IPO8: variants seen among roughly 807,000 people sequenced by gnomAD.
IPO8 encodes the protein importin-8.
A neutral mutation model predicts 141.2 loss-of-function variants in IPO8; 65 were observed. The ratio of observed to expected loss-of-function variants is 0.46; its 90% confidence interval spans 0.38 to 0.57. The LOEUF is 0.57. Ranked by LOEUF, IPO8 falls within the 20% of genes least tolerant of loss-of-function variation. IPO8 has a pLI of 0.00. For synonymous variants in IPO8, 411 were observed against 420.3 expected (o/e 0.98, Z 0.27); for missense variants, 980 against 1,246.8 (o/e 0.79, Z 3.22).
chr12:30,666,991 A>T (rs2052976235), intron 10 of IPO8, among the ~76,000 whole-genome samples: 1 of 152,332 alleles, frequency 6.6e-6, no homozygotes, highest in South Asian at 2.1e-4. Context: ...AATACCATGA[A>T]CATTTTCACA....
chr12:30,658,793 G>A (rs1372651614), intron 16 of IPO8, among the ~76,000 whole-genome samples: 3 of 151,396 alleles, frequency 2.0e-5, no homozygotes, highest in South Asian at 2.1e-4. Context: ...CAATACAGAA[G>A]GACACAAAAA....
intron 2 of IPO8, among the ~76,000 whole-genome samples, chr12:30,688,178 T>G (rs1055436181): frequency 6.6e-6 from 1 of 152,176 alleles, no homozygotes; most frequent in South Asian, 2.1e-4. Context: ...CTATCCTAAA[T>G]TTAAGATAGG....
intron 23 of IPO8, among the ~76,000 whole-genome samples, chr12:30,633,572 T>C (rs1352960665): frequency 2.0e-5 from 3 of 152,156 alleles, no homozygotes; most frequent in Non-Finnish European, 2.9e-5. Flanking sequence ...AAATATTTTC[T>C]CCCCCCGAAT....
chr12:30,645,313 C>A (rs1398128689), intron 20 of IPO8, among the ~76,000 whole-genome samples: 1 of 149,348 alleles, frequency 6.7e-6, no homozygotes, highest in East Asian at 2.0e-4. Context: ...GCGGAGGTTG[C>A]AGTAAGCCAA....
Position 30,661,172 on chromosome 12 carries a change from G to A in IPO8, c.1850C>T (p.Thr617Ile). The stretch of plus-strand genomic sequence containing the variant: ...ATGATCTTCTACAACTGTTAAGATA[G>A]TATCAATGGTATGTAAAATTCCCAT... ...MAMGILHTIDTILTVVEDHKE... is the reference protein window; with the variant it reads ...MAMGILHTIDIILTVVEDHKE... The change falls in exon 16 of 25, where the codon ACT becomes ATT. Residue 617 changes from threonine to isoleucine, a missense_variant. Thr to Ile is a moderately conservative substitution (Grantham distance 89, BLOSUM62 -1). Around this residue, in one of 3 missense-constraint regions of IPO8, gnomAD observed 924 missense variants for 1,153.9 expected, o/e 0.80. Transcript: ENST00000256079. 1 of 1,589,652 alleles carries A rather than the reference G, an allele frequency of 6.3e-7. No homozygotes were observed.
chr12:30,677,186 T>C (rs1402614790), intron 5 of IPO8: 1 of 801,474 alleles, frequency 1.2e-6, no homozygotes, highest in Non-Finnish European at 1.9e-6. Flanking sequence ...AAAATGTATA[T>C]AAAGTCATGC....
chr12:30,681,945 G>GTA (rs2053193529), intron 3 of IPO8, 128 bp from the exon 4 acceptor site: 1 of 683,382 alleles, frequency 1.5e-6, no homozygotes, highest in African/African-American at 1.9e-5. Flanking sequence ...CATATGTGGG[G>GTA]TAGGGGAAAA....
intron 1 of IPO8, among the ~76,000 whole-genome samples, chr12:30,691,455 C>G (rs896248218): frequency 2.0e-5 from 3 of 152,190 alleles, no homozygotes; most frequent in Non-Finnish European, 4.4e-5. Flanking sequence ...ATGATCTGCT[C>G]CTGAGTTTGG....
chr12:30,648,409 C>A (rs1270412231), intron 20 of IPO8, among the ~76,000 whole-genome samples: 1 of 152,114 alleles, frequency 6.6e-6, no homozygotes, highest in Non-Finnish European at 1.5e-5. Flanking sequence ...TTGCCCAGAG[C>A]TTGGGGCGAG....
At position 30,666,192 on chromosome 12, in the gene IPO8, C is replaced by T. The variant is rs2052962549; in HGVS notation, c.1204G>A (p.Ala402Thr). ...TGAAATACCTCTTTTCTTTTCTTTG[C>T]AGCAGTATATAAGAGAGTCTGGGCT... is the stretch of plus-strand genomic sequence containing the variant. ...TAAQTLLYTA[A>T]KKRKEVLPKM... is the part of the protein sequence containing the mutation. Residue 402 changes from alanine (A) to threonine (T), a missense_variant, in exon 11 of 25, where the codon GCA (alanine) becomes ACA (threonine). Ala to Thr is a moderately conservative substitution (Grantham distance 58). Around this residue, in one of 3 missense-constraint regions of IPO8, gnomAD observed 924 missense variants for 1,153.9 expected, o/e 0.80. Transcript: ENST00000256079. The T allele has an allele frequency of 3.2e-6, 5 of 1,576,180 alleles. No individual in the cohort carries two copies. Among genetic ancestry groups the T allele is most frequent in the East Asian group, 2.3e-5 (1 of 44,250 alleles).
chr12:30,672,312 T>C (rs952368129), intron 8 of IPO8, among the ~76,000 whole-genome samples: 7 of 152,162 alleles, frequency 4.6e-5, no homozygotes, highest in East Asian at 1.9e-4. Flanking sequence ...ACCAAATTTG[T>C]CGGAAGTCCT....
chr12:30,665,436 T>C (rs768339054), intron 12 of IPO8, 127 bp from the exon 13 acceptor site: 82 of 673,802 alleles, frequency 1.2e-4, no homozygotes, highest in Non-Finnish European at 2.1e-4. Context: ...TTGACCTATA[T>C]ATTGCATGTT....
At chr12:30,637,711 A>G (rs2052521932) in intron 21 of IPO8, among the ~76,000 whole-genome samples, 1 of 152,218 alleles carries the variant, frequency 6.6e-6, no homozygotes, top group Admixed American at 6.5e-5. Flanking sequence ...ATAAAATAGC[A>G]TAAGAAAAAT....
chr12:30,646,585 T>C (rs1318779543), intron 20 of IPO8, among the ~76,000 whole-genome samples: 1 of 151,908 alleles, frequency 6.6e-6, no homozygotes, highest in Admixed American at 6.6e-5. Context: ...TTACAGAAAA[T>C]TCTAAAAAAT....
intron 11 of IPO8, 133 bp downstream of exon 11, chr12:30,666,042 G>GAAA: frequency 1.6e-6 from 1 of 622,642 alleles, no homozygotes; most frequent in South Asian, 2.7e-5. Flanking sequence ...ACCAGGAGAG[G>GAAA]AAAAAAAAAA....
chr12:30,647,482 G>C (rs1219926641), intron 20 of IPO8, among the ~76,000 whole-genome samples: 1 of 151,446 alleles, frequency 6.6e-6, no homozygotes, highest in Non-Finnish European at 1.5e-5. Context: ...AGGTGTAGTA[G>C]CACGTGCCTG....
intron 2 of IPO8, among the ~76,000 whole-genome samples, chr12:30,684,947 G>A (rs1028281266): frequency 6.6e-6 from 1 of 151,716 alleles, no homozygotes; most frequent in Non-Finnish European, 1.5e-5. Context: ...AATATAATAG[G>A]GAAATGAACA....
intron 22 of IPO8, among the ~76,000 whole-genome samples, chr12:30,636,380 T>C (rs1308750133): frequency 6.6e-6 from 1 of 152,074 alleles, no homozygotes; most frequent in African/African-American, 2.4e-5. Flanking sequence ...CTCCGCAATC[T>C]CATCATTAAA....
In IPO8 at chr12:30,652,292, G is replaced by T; in HGVS notation, c.2075-3C>A. 1 of 1,556,258 alleles carries T rather than the reference G, an allele frequency of 6.4e-7. No homozygotes were observed. Among genetic ancestry groups the T allele is most frequent in the Middle Eastern group, 1.7e-4 (1 of 5,918 alleles). ...ATTATGCAGGAGAGGCATCATGTCT[G>T]AAAAAAAATCAAAATCCCAATGAGA... is the stretch of plus-strand genomic sequence containing the variant. On this transcript the variant is annotated splice_region_variant and splice_polypyrimidine_tract_variant and intron_variant, in intron 18 of 24. Coordinates refer to ENST00000256079, the MANE Select transcript of IPO8 (RefSeq NM_006390.4).
Sources: gnomAD v4.1 joint callset for allele counts (sites outside exome capture counted in the v4.1 genomes callset) on GRCh38, gnomAD v4.1.1 for gene constraint, gnomAD v4.1.1 regional missense constraint, MANE v1.5 for transcripts, NCBI Gene and HGNC (gene_info 2026-07-23, HGNC 2026-07-21) for gene names.